WIPF2: variants seen among roughly 807,000 people sequenced by gnomAD.
WIPF2 encodes the protein WAS/WASL interacting protein family member 2.
WIPF2 carries 23 observed loss-of-function variants against 38.8 expected under a neutral mutation model. The observed-to-expected ratio is 0.59, with a 90% CI of 0.43 to 0.84. The LOEUF is 0.84. Ranked by LOEUF, WIPF2 falls within the 40% of genes least tolerant of loss-of-function variation. The probability of loss-of-function intolerance (pLI) is 0.00; values close to 1 mark genes in which losing one functional copy is unlikely to be tolerated. For synonymous variants in WIPF2, 210 were observed against 223.2 expected (o/e 0.94, Z 0.53); for missense variants, 574 against 580.5 (o/e 0.99, Z 0.11).
At chr17:40,229,211 A>G (rs1309280196) in intron 1 of WIPF2, among the ~76,000 whole-genome samples, 4 of 151,506 alleles carry the variant, frequency 2.6e-5, no homozygotes, top group Admixed American at 2.6e-4. Flanking sequence ...TCCCGGGTTC[A>G]AGCGATTCTC....
At position 40,260,543 on chromosome 17, in the gene WIPF2, A is replaced by AGAGCAGCCCAAGCTGAGTAGAGAT; in HGVS notation, c.80_103dup (p.Pro27_Gln34dup). The AGAGCAGCCCAAGCTGAGTAGAGAT allele has an allele frequency of 6.2e-7, 1 of 1,613,916 alleles. No individual in the cohort carries two copies. Among genetic ancestry groups the AGAGCAGCCCAAGCTGAGTAGAGAT allele is most frequent in the South Asian group, 1.1e-5 (1 of 91,078 alleles). On this transcript the variant is annotated inframe_insertion, in exon 3 of 8. Coordinates refer to ENST00000323571, the MANE Select transcript of WIPF2 (RefSeq NM_133264.5). ...TTTCTCTTATCCTCCAGGCAAACAC[A>AGAGCAGCCCAAGCTGAGTAGAGAT]GAGCAGCCCAAGCTGAGTAGAGATG...
At chr17:40,268,677 C>T (rs996003020) in intron 5 of WIPF2, among the ~76,000 whole-genome samples, 1 of 152,048 alleles carries the variant, frequency 6.6e-6, no homozygotes, top group African/African-American at 2.4e-5. Context: ...GCCATCCTCC[C>T]ACCTTGGCCT....
In WIPF2 at chr17:40,282,195, A is replaced by G. The variant is rs1369674786; in HGVS notation, c.*3970A>G. On this transcript the variant is annotated 3_prime_UTR_variant, in exon 8 of 8. Transcript: ENST00000323571. ...TCAACTCCACATTCATTGTGCCTTT[A>G]CTTGCATTAGATTTCTGTGCTTTCT... The G allele has an allele frequency of 6.7e-6, 1 of 149,536 alleles. No homozygotes were observed. 9.3% of individuals were successfully genotyped at this position (149,536 alleles called of 1,614,324 possible). A position where few individuals can be genotyped will look rare whatever the true frequency, so the allele number is the denominator to read the frequency against.
At chr17:40,270,372 A>G (rs2032214522) in intron 5 of WIPF2, among the ~76,000 whole-genome samples, 2 of 151,416 alleles carry the variant, frequency 1.3e-5, no homozygotes, top group African/African-American at 4.9e-5. Flanking sequence ...TCTCAAAAAA[A>G]AAAAAAAAAA....
At chr17:40,238,413 C>T (rs1363132073) in intron 1 of WIPF2, among the ~76,000 whole-genome samples, 1 of 151,962 alleles carries the variant, frequency 6.6e-6, no homozygotes, top group East Asian at 1.9e-4. Flanking sequence ...AAGCAATTCT[C>T]CTGTCTCAGC....
chr17:40,220,896 C>T (rs2030205380), intron 1 of WIPF2, among the ~76,000 whole-genome samples: 2 of 151,480 alleles, frequency 1.3e-5, no homozygotes, highest in Non-Finnish European at 2.9e-5. Context: ...CTGCCTCAGC[C>T]TCCCGAGTAG....
At chr17:40,229,815 G>C (rs2030666194) in intron 1 of WIPF2, among the ~76,000 whole-genome samples, 1 of 152,312 alleles carries the variant, frequency 6.6e-6, no homozygotes, top group East Asian at 1.9e-4. Flanking sequence ...TTGAGAGGAA[G>C]GGCAGTCAGA....
intron 1 of WIPF2, among the ~76,000 whole-genome samples, chr17:40,227,193 A>C (rs9892404): frequency 0.13 from 19,177 of 151,456 alleles, 1,336 homozygotes; most frequent in East Asian, 0.3. Flanking sequence ...GGTGTGTGCC[A>C]CCACGTCCAG....
intron 5 of WIPF2, among the ~76,000 whole-genome samples, chr17:40,270,136 C>T (rs1035573817): frequency 6.6e-5 from 10 of 150,858 alleles, no homozygotes; most frequent in Non-Finnish European, 1.0e-4. Flanking sequence ...GAGGCTGAGG[C>T]GGGCAGATCA....
At position 40,282,097 on chromosome 17, in the gene WIPF2, A is replaced by G. The variant is rs1410047611; in HGVS notation, c.*3872A>G. 7.2e-6 allele frequency: 1 copy of G among 139,226 alleles called. No individual in the cohort carries two copies. Among genetic ancestry groups the G allele is most frequent in the Non-Finnish European group, 1.5e-5 (1 of 66,180 alleles). 8.6% of individuals were successfully genotyped at this position (139,226 alleles called of 1,614,324 possible). The stretch of plus-strand genomic sequence containing the variant: ...AAAACGAAACAAAACTACAACCACC[A>G]TCAAAACCACACGCAAAAAAAAAAA... On this transcript the variant is annotated 3_prime_UTR_variant, in exon 8 of 8. Coordinates refer to ENST00000323571, the MANE Select transcript of WIPF2 (RefSeq NM_133264.5).
At chr17:40,250,620 G>A (rs1347850907) in intron 1 of WIPF2, among the ~76,000 whole-genome samples, 1 of 152,026 alleles carries the variant, frequency 6.6e-6, no homozygotes, top group African/African-American at 2.4e-5. Context: ...ACTTGAGGCA[G>A]CCTCAAGATG....
At chr17:40,236,893 T>G (rs2030993472) in intron 1 of WIPF2, among the ~76,000 whole-genome samples, 1 of 152,098 alleles carries the variant, frequency 6.6e-6, no homozygotes, top group African/African-American at 2.4e-5. Flanking sequence ...AATAGTGGCA[T>G]TATGAAGTTT....
chr17:40,274,958 G>A (rs1174990490), intron 6 of WIPF2, among the ~76,000 whole-genome samples: 1 of 145,072 alleles, frequency 6.9e-6, no homozygotes, highest in African/African-American at 2.6e-5. Context: ...AAAAAAAGTC[G>A]GCTGGGTGCA....
intron 1 of WIPF2, among the ~76,000 whole-genome samples, chr17:40,253,778 G>A (rs1482971732): frequency 6.6e-6 from 1 of 152,150 alleles, no homozygotes; most frequent in Non-Finnish European, 1.5e-5. Flanking sequence ...AGCCTATAGT[G>A]GCATCACACT....
chr17:40,278,484 A>T lies in WIPF2; in HGVS notation c.*259A>T. 1 of 495,586 alleles carries T rather than the reference A, an allele frequency of 2.0e-6. No homozygotes were observed. The highest frequency in any genetic ancestry group is 3.6e-6 in the Non-Finnish European group (1 of 277,218). The allele number at this position is 495,586 out of a possible 1,614,324, so 30.7% of individuals were successfully genotyped here. ...TCCAGCAAGCCCTGCTAGCCACATG[A>T]GGAACAAGTTTCCGTGTCTTCTGCC... On this transcript the variant is annotated 3_prime_UTR_variant, in exon 8 of 8. Transcript: ENST00000323571.
chr17:40,268,782 G>T (rs906402759), intron 5 of WIPF2, among the ~76,000 whole-genome samples: 8 of 152,100 alleles, frequency 5.3e-5, no homozygotes, highest in Middle Eastern at 3.2e-3. Context: ...AGATATTTTA[G>T]TCAGAGATCA....
At chr17:40,238,235 T>G (rs1484863064) in intron 1 of WIPF2, among the ~76,000 whole-genome samples, 1 of 152,178 alleles carries the variant, frequency 6.6e-6, no homozygotes. Context: ...ACTTTGATTC[T>G]TATCTTTCGT....
intron 1 of WIPF2, among the ~76,000 whole-genome samples, chr17:40,250,090 C>A (rs1188509342): frequency 6.6e-6 from 1 of 151,778 alleles, no homozygotes; most frequent in African/African-American, 2.4e-5. Flanking sequence ...CCTCAGCCCC[C>A]CAGAGTGCTG....
At chr17:40,252,651 C>A (rs1192745842) in intron 1 of WIPF2, among the ~76,000 whole-genome samples, 1 of 148,932 alleles carries the variant, frequency 6.7e-6, no homozygotes, top group Non-Finnish European at 1.5e-5. Flanking sequence ...GCAACAGAGA[C>A]TCTGTCTCAA....
Sources: allele counts gnomAD v4.1 joint callset (sites outside exome capture counted in the v4.1 genomes callset), GRCh38; gene constraint gnomAD v4.1.1; transcripts MANE v1.5; gene names NCBI Gene and HGNC (gene_info 2026-07-23, HGNC 2026-07-21).